Variants in LMBRD1 observed in about 807,000 individuals in gnomAD.
LMBRD1 encodes the protein lysosomal cobalamin transport escort protein LMBD1.
LMBRD1 carries 64 observed loss-of-function variants against 74.8 expected under a neutral mutation model. The observed-to-expected ratio is 0.86, with a 90% CI of 0.70 to 1.05. LMBRD1 has a LOEUF of 1.05. Ranked by LOEUF, LMBRD1 falls within the 50% of genes least tolerant of loss-of-function variation. LMBRD1 has a pLI of 0.00. For synonymous variants in LMBRD1, 204 were observed against 216.3 expected, an observed-to-expected ratio of 0.94 and a Z score of 0.50; for missense variants, 652 against 645.9, an observed-to-expected ratio of 1.01 and a Z score of -0.10.
chr6:69,705,160 G>A (rs1177541115), intron 9 of LMBRD1: 1 of 489,670 alleles, frequency 2.0e-6, no homozygotes, highest in East Asian at 3.8e-5. Flanking sequence ...AATGGAGCCT[G>A]GACAACATTT....
intron 5 of LMBRD1, chr6:69,746,028 G>T: frequency 4.6e-6 from 1 of 216,046 alleles, no homozygotes; most frequent in South Asian, 7.9e-5. Flanking sequence ...TTCCACCCAT[G>T]GCAAGTTCTA....
chr6:69,710,708 CA>C (rs1242408475), intron 9 of LMBRD1, among the ~76,000 whole-genome samples: 1 of 152,034 alleles, frequency 6.6e-6, no homozygotes, highest in African/African-American at 2.4e-5. Context: ...AGCCAATAAG[CA>C]TACAAAAAGA....
At chr6:69,774,921 C>G (rs998636262) in intron 3 of LMBRD1, among the ~76,000 whole-genome samples, 13 of 139,742 alleles carry the variant, frequency 9.3e-5, no homozygotes, top group African/African-American at 3.2e-4. Context: ...ATCACGCCAC[C>G]GCACTCCTGC....
At chr6:69,793,027 A>G (rs1357133313) in intron 1 of LMBRD1, among the ~76,000 whole-genome samples, 3 of 152,224 alleles carry the variant, frequency 2.0e-5, no homozygotes, top group Non-Finnish European at 4.4e-5. Flanking sequence ...ATCCTCGTCT[A>G]TAGGAATACT....
intron 6 of LMBRD1, among the ~76,000 whole-genome samples, chr6:69,739,684 A>G (rs1770999659): frequency 1.3e-5 from 2 of 152,224 alleles, no homozygotes; most frequent in Admixed American, 1.3e-4. Flanking sequence ...TATTAACTGA[A>G]TGGAATACTG....
intron 7 of LMBRD1, among the ~76,000 whole-genome samples, chr6:69,734,474 C>T (rs1014472284): frequency 6.6e-6 from 1 of 151,642 alleles, no homozygotes; most frequent in Non-Finnish European, 1.5e-5. Flanking sequence ...CGGCTCACTG[C>T]AACCTCTGCC....
rs541467613 is a variant in LMBRD1 at position 69,712,951 on chromosome 6, T to C, written c.915+694A>G. Reference sequence around the variant, plus strand: ...ATGCCCATTACCCAGAATGTGGTGATAGCAACATAAATGAATATGTATATT... The same window carrying C: ...ATGCCCATTACCCAGAATGTGGTGACAGCAACATAAATGAATATGTATATT... On this transcript the variant is annotated intron_variant, in intron 9 of 15. Coordinates refer to ENST00000649934, the MANE Select transcript of LMBRD1 (RefSeq NM_018368.4). 1.8e-4 allele frequency among the ~76,000 whole-genome samples: 28 copies of C among 152,248 alleles called. No individual in the cohort carries two copies. The East Asian group carries it at 2.3e-3, about 13-fold the overall frequency.
At chr6:69,729,096 T>C (rs931067808) in intron 7 of LMBRD1, among the ~76,000 whole-genome samples, 4 of 151,702 alleles carry the variant, frequency 2.6e-5, no homozygotes, top group African/African-American at 9.7e-5. Context: ...CCTACCAACT[T>C]GTTAACTTTA....
chr6:69,775,540 C>T (rs1332816606), intron 3 of LMBRD1, among the ~76,000 whole-genome samples: 2 of 152,112 alleles, frequency 1.3e-5, no homozygotes, highest in Admixed American at 1.3e-4. Context: ...AACTGCTGCC[C>T]CTTTACAGGA....
chr6:69,688,396 G>C (rs1038904856), intron 14 of LMBRD1, among the ~76,000 whole-genome samples: 1 of 140,798 alleles, frequency 7.1e-6, no homozygotes, highest in African/African-American at 2.5e-5. Flanking sequence ...AGTTTGAAGG[G>C]CAGAGATTTT....
intron 7 of LMBRD1, among the ~76,000 whole-genome samples, chr6:69,735,430 T>G (rs1411666154): frequency 7.6e-6 from 1 of 131,308 alleles, no homozygotes; most frequent in African/African-American, 3.1e-5. Context: ...ATCAACATTA[T>G]AGGAAAACAA....
intron 3 of LMBRD1, among the ~76,000 whole-genome samples, chr6:69,760,330 A>G (rs1765349166): frequency 6.6e-6 from 1 of 152,240 alleles, no homozygotes; most frequent in Non-Finnish European, 1.5e-5. Context: ...CAAGCAAGCC[A>G]TTTCATATAA....
At chr6:69,678,660 A>C (rs1393156523) in intron 14 of LMBRD1, among the ~76,000 whole-genome samples, 2 of 152,156 alleles carry the variant, frequency 1.3e-5, no homozygotes, top group African/African-American at 4.8e-5. Flanking sequence ...TCCTACATGC[A>C]ATTAGAAGAC....
chr6:69,690,050 CTCAT>C (rs1422187358), intron 14 of LMBRD1, among the ~76,000 whole-genome samples: 5 of 121,342 alleles, frequency 4.1e-5, no homozygotes, highest in Non-Finnish European at 5.6e-5. Flanking sequence ...GTTTCATTCA[CTCAT>C]TCATTCATTT....
intron 13 of LMBRD1, 40 bp from the exon 14 acceptor site, chr6:69,697,681 T>A: frequency 1.7e-6 from 2 of 1,179,142 alleles, no homozygotes; most frequent in African/African-American, 1.5e-5. Flanking sequence ...AAAACCGCAT[T>A]AATAAATACA....
At chr6:69,740,083 G>T (rs1229931006) in intron 6 of LMBRD1, among the ~76,000 whole-genome samples, 2 of 151,698 alleles carry the variant, frequency 1.3e-5, no homozygotes, top group East Asian at 1.9e-4. Context: ...TCTAGCCGGG[G>T]TGACAGAGCA....
rs1765539077 is a variant in LMBRD1, at chr6:69,676,156, T to C, written c.*2A>G. 1 of 1,606,576 alleles carries C rather than the reference T, an allele frequency of 6.2e-7. No individual in the cohort carries two copies. Among genetic ancestry groups the C allele is most frequent in the African/African-American group, 1.3e-5 (1 of 74,890 alleles). On this transcript the variant is annotated 3_prime_UTR_variant, in exon 16 of 16. Coordinates refer to ENST00000649934, the MANE Select transcript of LMBRD1 (RefSeq NM_018368.4). ...TTATAAAACCTTTAAGACAGAAGGC[T>C]GTCAAGCAGAATAGACAGAGGGCTC... is the stretch of plus-strand genomic sequence containing the variant.
intron 3 of LMBRD1, among the ~76,000 whole-genome samples, chr6:69,780,077 C>T (rs1765795972): frequency 6.6e-6 from 1 of 151,020 alleles, no homozygotes; most frequent in Non-Finnish European, 1.5e-5. Context: ...AAGATCATGG[C>T]ACCCTGTATT....
chr6:69,728,692 AT>A (rs1364985096), intron 7 of LMBRD1, among the ~76,000 whole-genome samples: 1 of 152,200 alleles, frequency 6.6e-6, no homozygotes, highest in Non-Finnish European at 1.5e-5. Context: ...GCTGGTCTCA[AT>A]TTCTACAAAT....
Sources: allele counts gnomAD v4.1 joint callset (sites outside exome capture counted in the v4.1 genomes callset), GRCh38; gene constraint gnomAD v4.1.1; transcripts MANE v1.5; gene names NCBI Gene and HGNC (gene_info 2026-07-23, HGNC 2026-07-21).